Variants in TRAPPC6A observed in about 807,000 individuals in gnomAD.
TRAPPC6A encodes the protein trafficking protein particle complex subunit 6A, also known as TRAPP complex subunit 6A.
A neutral mutation model predicts 20.8 loss-of-function variants in TRAPPC6A; 25 were observed. The observed-to-expected ratio is 1.20, with a 90% CI of 0.88 to 1.68. The LOEUF (loss-of-function observed/expected upper bound fraction) is 1.68. TRAPPC6A is among the 40% of genes most tolerant of loss of function. The pLI is 0.00. For synonymous variants in TRAPPC6A, 96 were observed against 93.3 expected (o/e 1.03, Z -0.16); for missense variants, 215 against 211.6 (o/e 1.02, Z -0.10).
Position 45,163,286 on chromosome 19 carries a change from G to A in TRAPPC6A, c.449-63C>T, listed in dbSNP as rs754902196. 18 of 1,579,734 alleles carry A rather than the reference G, an allele frequency of 1.1e-5. No homozygotes were observed. Among genetic ancestry groups the A allele is most frequent in the East Asian group, 4.5e-5 (2 of 44,436 alleles). On this transcript the variant is annotated intron_variant, in intron 5 of 5. Coordinates refer to ENST00000585934, the MANE Select transcript of TRAPPC6A (RefSeq NM_001270891.2). This position sits in a 1 kb window ranked among gnomAD's most constrained non-coding sequence, Gnocchi z 5.3. ...TGGGGGAGGCAGAGGGCACCTGGACGGCTCTTAGGCGCTCACCCCCGTCCT... is the reference window on the plus strand; with the variant it reads ...TGGGGGAGGCAGAGGGCACCTGGACAGCTCTTAGGCGCTCACCCCCGTCCT...
chr19:45,175,585 C>T (rs761874003), intron 1 of TRAPPC6A, among the ~76,000 whole-genome samples: 2 of 152,078 alleles, frequency 1.3e-5, no homozygotes, highest in Non-Finnish European at 2.9e-5. Flanking sequence ...ACGCTAAGAT[C>T]TGAAGGATTA....
intron 1 of TRAPPC6A, among the ~76,000 whole-genome samples, chr19:45,166,211 G>A (rs930619141): frequency 3.7e-5 from 5 of 134,622 alleles, no homozygotes; most frequent in African/African-American, 1.1e-4. Flanking sequence ...CGCGCCTGGC[G>A]AGTTTTCTTT....
rs1178754960 is a variant in TRAPPC6A at position 45,163,626 on chromosome 19, C to G, written c.448+290G>C. Among the ~76,000 whole-genome samples, 1 of 152,186 alleles carries G rather than the reference C, an allele frequency of 6.6e-6. No homozygotes were observed. The highest frequency in any genetic ancestry group is 1.5e-5 in the Non-Finnish European group (1 of 68,010). On this transcript the variant is annotated intron_variant, in intron 5 of 5. Coordinates refer to ENST00000585934, the MANE Select transcript of TRAPPC6A (RefSeq NM_001270891.2). The surrounding 1 kb of genome is among the most constrained non-coding windows in gnomAD (Gnocchi z 5.3). ...CCCAGTCAGGCAGGCTGCAAGTTCC[C>G]TGGAGCCTGCCGTCGCCCCCATCGA...
chr19:45,176,238 C>G (rs1969370585), intron 1 of TRAPPC6A, among the ~76,000 whole-genome samples: 1 of 151,618 alleles, frequency 6.6e-6, no homozygotes, highest in East Asian at 1.9e-4. Context: ...GGGCAGATCA[C>G]GAGGTCAGAT....
At position 45,173,443 on chromosome 19, in the gene TRAPPC6A, C is replaced by T. The variant is rs1050047542; in HGVS notation, c.84+4692G>A. Among the ~76,000 whole-genome samples the T allele has an allele frequency of 2.0e-5, 3 of 152,164 alleles. No individual in the cohort carries two copies. Among genetic ancestry groups the T allele is most frequent in the Non-Finnish European group, 4.4e-5 (3 of 68,036 alleles). On this transcript the variant is annotated intron_variant, in intron 1 of 5. Transcript: ENST00000585934. This position sits in a 1 kb window ranked among gnomAD's most constrained non-coding sequence, Gnocchi z 4.8. ...TCCCTGTCCTCAAGGAGCTCTGAAG[C>T]TGGTGGGAAAGGCGGCCTGCGCTAC...
chr19:45,163,072 G>C lies in TRAPPC6A; in HGVS notation c.*120C>G, dbSNP rs1969043727. ...CCTCAATTTGATACCCACTTCCTGA[G>C]CAAATGTGACCCCTAGGGCCTGGGA... On this transcript the variant is annotated 3_prime_UTR_variant, in exon 6 of 6. Transcript: ENST00000585934. The surrounding 1 kb of genome is among the most constrained non-coding windows in gnomAD (Gnocchi z 5.3). 6.6e-6 allele frequency: 8 copies of C among 1,203,650 alleles called. No individual in the cohort carries two copies. In the Admixed American group the frequency reaches 8.7e-5, roughly 13 times the overall value. 74.6% of individuals were successfully genotyped at this position (1,203,650 alleles called of 1,614,324 possible). A position where few individuals can be genotyped will look rare whatever the true frequency, so the allele number is the denominator to read the frequency against.
Position 45,162,936 on chromosome 19 carries a change from C to A in TRAPPC6A, c.*256G>T, listed in dbSNP as rs960124436. On this transcript the variant is annotated 3_prime_UTR_variant, in exon 6 of 6. Coordinates refer to ENST00000585934, the MANE Select transcript of TRAPPC6A (RefSeq NM_001270891.2). ...TCCCCCACTGCTCTGAGTCAGATTC[C>A]ACACACACAGCCTTTATTGAGCAGC... 7.8e-6 allele frequency: 3 copies of A among 384,006 alleles called. No homozygotes were observed. The highest frequency in any genetic ancestry group is 1.4e-5 in the Non-Finnish European group (3 of 215,466). 23.8% of individuals were successfully genotyped at this position (384,006 alleles called of 1,614,324 possible).
rs772462314 is a variant in TRAPPC6A at position 45,163,786 on chromosome 19, G to A, written c.448+130C>T. The stretch of plus-strand genomic sequence containing the variant: ...CAGGGGCACAGATGGGCCTGCACCA[G>A]CCGTGTGGCTGAGCAGGTGACTTAA... On this transcript the variant is annotated intron_variant, in intron 5 of 5. Coordinates refer to ENST00000585934, the MANE Select transcript of TRAPPC6A (RefSeq NM_001270891.2). This position sits in a 1 kb window ranked among gnomAD's most constrained non-coding sequence, Gnocchi z 5.3. The A allele has an allele frequency of 8.9e-6, 7 of 783,114 alleles. No individual in the cohort carries two copies. The highest frequency in any genetic ancestry group is 5.2e-5 in the African/African-American group (3 of 57,382). The allele number at this position is 783,114 out of a possible 1,614,324, so 48.5% of individuals were successfully genotyped here.
intron 1 of TRAPPC6A, among the ~76,000 whole-genome samples, chr19:45,170,558 G>A (rs1969248270): frequency 6.6e-6 from 1 of 152,214 alleles, no homozygotes; most frequent in Non-Finnish European, 1.5e-5. Context: ...GGAGTCTGAA[G>A]GGGTTCCAGC....
Position 45,173,486 on chromosome 19 carries a change from AG to A in TRAPPC6A, c.84+4648del, listed in dbSNP as rs1220635465. Among the ~76,000 whole-genome samples the A allele has an allele frequency of 6.6e-6, 1 of 152,236 alleles. No homozygotes were observed. Among genetic ancestry groups the A allele is most frequent in the Non-Finnish European group, 1.5e-5 (1 of 68,032 alleles). ...TGCGCTACCCAGAAGCCCTGGGGCC[AG>A]AAGCCTGAGTTCTAATTTTGCCTTT... is the stretch of plus-strand genomic sequence containing the variant. On this transcript the variant is annotated intron_variant, in intron 1 of 5. Transcript: ENST00000585934. The surrounding 1 kb of genome is among the most constrained non-coding windows in gnomAD (Gnocchi z 4.8).
chr19:45,173,670 A>C lies in TRAPPC6A; in HGVS notation c.84+4465T>G, dbSNP rs1051473970. 2.0e-5 allele frequency among the ~76,000 whole-genome samples: 3 copies of C among 152,168 alleles called. No homozygotes were observed. Among genetic ancestry groups the C allele is most frequent in the African/African-American group, 7.2e-5 (3 of 41,452 alleles). On this transcript the variant is annotated intron_variant, in intron 1 of 5. Coordinates refer to ENST00000585934, the MANE Select transcript of TRAPPC6A (RefSeq NM_001270891.2). The surrounding 1 kb of genome is among the most constrained non-coding windows in gnomAD (Gnocchi z 4.8). ...ACGGGAGGCCTGTCTGGTTCAGAGG[A>C]ACCCTTTTGGGCCAAAGAGAAGGAA...
intron 1 of TRAPPC6A, among the ~76,000 whole-genome samples, chr19:45,176,307 A>C (rs559510131): frequency 6.7e-6 from 1 of 148,304 alleles, no homozygotes; most frequent in African/African-American, 2.5e-5. Context: ...CAAAAAAAAA[A>C]AACAAAATTA....
chr19:45,174,798 C>T lies in TRAPPC6A; in HGVS notation c.84+3337G>A, dbSNP rs185815483. Among the ~76,000 whole-genome samples the T allele has an allele frequency of 9.4e-4, 143 of 152,090 alleles. 1 individual carries two copies. Among genetic ancestry groups the T allele is most frequent in the African/African-American group, 3.4e-3 (139 of 41,458 alleles). ...GAACTATGATCATGCTACTGCACTC[C>T]GGCTTGGGTGACAGAGCAAGACTCT... On this transcript the variant is annotated intron_variant, in intron 1 of 5. Coordinates refer to ENST00000585934, the MANE Select transcript of TRAPPC6A (RefSeq NM_001270891.2).
At position 45,163,511 on chromosome 19, in the gene TRAPPC6A, G is replaced by A. The variant is rs550383400; in HGVS notation, c.449-288C>T. ...CCCCCATGAGTGGGCCTGGGGAACC[G>A]GCAGAGGCAAAATAACTGAAGGTGG... is the stretch of plus-strand genomic sequence containing the variant. On this transcript the variant is annotated intron_variant, in intron 5 of 5. Transcript: ENST00000585934. This position sits in a 1 kb window ranked among gnomAD's most constrained non-coding sequence, Gnocchi z 5.3. 5.9e-5 allele frequency among the ~76,000 whole-genome samples: 9 copies of A among 152,172 alleles called. No homozygotes were observed. Among genetic ancestry groups the A allele is most frequent in the South Asian group, 2.1e-4 (1 of 4,828 alleles).
At chr19:45,164,360 C>A in intron 3 of TRAPPC6A, 113 bp from the exon 4 acceptor site, 1 of 707,226 alleles carries the variant, frequency 1.4e-6, no homozygotes, top group Non-Finnish European at 2.4e-6. Context: ...AGGCCCCCTT[C>A]CTGAGAACCA....
At chr19:45,166,320 C>A (rs1350255033) in intron 1 of TRAPPC6A, among the ~76,000 whole-genome samples, 2 of 152,034 alleles carry the variant, frequency 1.3e-5, no homozygotes, top group Admixed American at 1.3e-4. Flanking sequence ...AATTCTCCTG[C>A]CTCAGCCTCC....
Position 45,165,069 on chromosome 19 carries a change from C to A in TRAPPC6A, c.152+58G>T, listed in dbSNP as rs10410833. 8,956 of 1,611,160 alleles carry A rather than the reference C, an allele frequency of 5.6e-3. 423 individuals are homozygous for A. In the African/African-American group the frequency reaches 0.11, roughly 19 times the overall value. The stretch of plus-strand genomic sequence containing the variant: ...ATGGAGCAATGCAACCCTCCCCGCC[C>A]GGGGCCTGCCCAGCCCTGCCAGCCA... On this transcript the variant is annotated intron_variant, in intron 2 of 5. Transcript: ENST00000585934.
In TRAPPC6A at chr19:45,164,169, G is replaced by C. The variant is rs748389587; in HGVS notation, c.349C>G (p.Pro117Ala). The C allele has an allele frequency of 6.2e-7, 1 of 1,606,888 alleles. No homozygotes were observed. Among genetic ancestry groups the C allele is most frequent in the Non-Finnish European group, 8.5e-7 (1 of 1,177,234 alleles). ...GGCCCCAGCTCCCCCCATACCTTGG[G>C]TGCTTCCTCCAGATACTGCAGGCCA... ...ASGLQYLEEA[P>A]KFLAFTCGLL... Residue 117 changes from proline to alanine, a missense_variant, in exon 4 of 6, where the codon CCC becomes GCC. Pro to Ala is a conservative substitution (Grantham distance 27). Transcript: ENST00000585934.
rs555539405 is a variant in TRAPPC6A, at chr19:45,165,326, G to A, written c.85-132C>T. ...GTCAGTTCAGGGGTGAGCAGGGAGGGGCTCTGGCACAGCCCGGCCAGGGCA... is the reference window on the plus strand; with the variant it reads ...GTCAGTTCAGGGGTGAGCAGGGAGGAGCTCTGGCACAGCCCGGCCAGGGCA... On this transcript the variant is annotated intron_variant, in intron 1 of 5. Coordinates refer to ENST00000585934, the MANE Select transcript of TRAPPC6A (RefSeq NM_001270891.2). 2.2e-5 allele frequency: 19 copies of A among 881,596 alleles called. 1 individual carries two copies. Among genetic ancestry groups the A allele is most frequent in the Middle Eastern group, 2.3e-4 (1 of 4,270 alleles). The allele number at this position is 881,596 out of a possible 1,614,324, so 54.6% of individuals were successfully genotyped here. A position where few individuals can be genotyped will look rare whatever the true frequency, so the allele number is the denominator to read the frequency against.
Sources: gnomAD v4.1 joint callset for allele counts (sites outside exome capture counted in the v4.1 genomes callset) on GRCh38, gnomAD v4.1.1 for gene constraint, Gnocchi (gnomAD v3.1) non-coding constraint, MANE v1.5 for transcripts, NCBI Gene and HGNC (gene_info 2026-07-23, HGNC 2026-07-21) for gene names.